The following PRKCE variants were observed in gnomAD, a reference collection of about 807,000 sequenced individuals.
The protein encoded by PRKCE is protein kinase C epsilon type.
A neutral mutation model predicts 85.4 loss-of-function variants in PRKCE; 16 were observed. That is an observed-to-expected ratio of 0.19 (90% CI 0.13 to 0.28). PRKCE has a LOEUF of 0.28. Ranked by LOEUF, PRKCE falls within the 10% of genes least tolerant of loss-of-function variation. PRKCE has a pLI of 1.00. For synonymous variants in PRKCE, 388 were observed against 371.5 expected (o/e 1.04, Z -0.51); for missense variants, 573 against 975.2 (o/e 0.59, Z 5.49).
chr2:45,858,586 A>G (rs1003749727), intron 2 of PRKCE, among the ~76,000 whole-genome samples: 1 of 151,902 alleles, frequency 6.6e-6, no homozygotes, highest in Non-Finnish European at 1.5e-5. Flanking sequence ...GGCACCCTTC[A>G]CTGACTTTGT....
At position 46,001,036 on chromosome 2, in the gene PRKCE, C is replaced by A. The variant is rs1181477361; in HGVS notation, c.824-368C>A. 1 of 152,174 alleles carries A rather than the reference C, an allele frequency of 6.6e-6. No homozygotes were observed. The highest frequency in any genetic ancestry group is 1.5e-5 in the Non-Finnish European group (1 of 68,138). 9.4% of individuals were successfully genotyped at this position (152,174 alleles called of 1,614,324 possible). A position where few individuals can be genotyped will look rare whatever the true frequency, so the allele number is the denominator to read the frequency against. ...CACCTGTGATGTCTTACACCAAGGA[C>A]AACTAAGTGAAGAGGGAAAAGCAAA... On this transcript the variant is annotated intron_variant, in intron 6 of 14. Coordinates refer to ENST00000306156, the MANE Select transcript of PRKCE (RefSeq NM_005400.3). The surrounding 1 kb of genome is among the most constrained non-coding windows in gnomAD (Gnocchi z 4.4).
chr2:45,896,636 T>G (rs1206524309), intron 2 of PRKCE, among the ~76,000 whole-genome samples: 1 of 152,220 alleles, frequency 6.6e-6, no homozygotes, highest in Admixed American at 6.5e-5. Context: ...CTTATCAAAG[T>G]AGCGCAGTGC....
At chr2:45,809,912 G>A (rs1292796785) in intron 1 of PRKCE, among the ~76,000 whole-genome samples, 1 of 151,786 alleles carries the variant, frequency 6.6e-6, no homozygotes, top group Non-Finnish European at 1.5e-5. Context: ...ACAAGCCCAA[G>A]GAGGGCATGG....
chr2:45,927,645 G>A (rs985459730), intron 2 of PRKCE, among the ~76,000 whole-genome samples: 2 of 152,174 alleles, frequency 1.3e-5, no homozygotes, highest in African/African-American at 4.8e-5. Context: ...TTAGAGAAAG[G>A]GAGGATTTCA....
intron 12 of PRKCE, among the ~76,000 whole-genome samples, chr2:46,148,088 C>A (rs1676259223): frequency 6.6e-6 from 1 of 152,222 alleles, no homozygotes; most frequent in South Asian, 2.1e-4. Flanking sequence ...ATGAGGTCTG[C>A]CCCAAGGCTT....
intron 1 of PRKCE, among the ~76,000 whole-genome samples, chr2:45,785,660 G>C (rs1235649079): frequency 6.6e-6 from 1 of 152,142 alleles, no homozygotes; most frequent in East Asian, 1.9e-4. Context: ...CTGTTCTTCT[G>C]ACTGGGCATC....
intron 10 of PRKCE, among the ~76,000 whole-genome samples, chr2:46,025,175 G>T (rs1318054373): frequency 1.3e-5 from 2 of 152,192 alleles, no homozygotes; most frequent in Non-Finnish European, 2.9e-5. Flanking sequence ...CCCGGGGTTG[G>T]CAAGATCCAT....
At chr2:45,937,477 C>T (rs530094551) in intron 2 of PRKCE, among the ~76,000 whole-genome samples, 20 of 152,312 alleles carry the variant, frequency 1.3e-4, no homozygotes, top group African/African-American at 4.8e-4. Context: ...CTTTGGGAGG[C>T]TCAGGCGCGC....
intron 1 of PRKCE, among the ~76,000 whole-genome samples, chr2:45,696,003 A>G (rs1428917742): frequency 6.6e-6 from 1 of 152,050 alleles, no homozygotes; most frequent in Non-Finnish European, 1.5e-5. Flanking sequence ...GGTTAGTTAC[A>G]TATGTATACA....
In PRKCE at chr2:45,785,671, A is replaced by T. The variant is rs181555738; in HGVS notation, c.349-57329A>T. 3.0e-4 allele frequency among the ~76,000 whole-genome samples: 45 copies of T among 152,110 alleles called. 1 individual carries two copies. The highest frequency in any genetic ancestry group is 5.7e-4 in the Non-Finnish European group (39 of 67,998). On this transcript the variant is annotated intron_variant, in intron 1 of 14. Coordinates refer to ENST00000306156, the MANE Select transcript of PRKCE (RefSeq NM_005400.3). ...CGATCTGTTCTTCTGACTGGGCATC[A>T]CTCAGGCATCCTATGTAGCACCTGG...
intron 2 of PRKCE, among the ~76,000 whole-genome samples, chr2:45,935,390 T>A (rs1699368633): frequency 6.6e-6 from 1 of 152,224 alleles, no homozygotes; most frequent in Non-Finnish European, 1.5e-5. Flanking sequence ...CTAAGAACTT[T>A]TGAAGTACTG....
intron 2 of PRKCE, among the ~76,000 whole-genome samples, chr2:45,931,213 G>A (rs1420770693): frequency 5.3e-5 from 8 of 152,194 alleles, no homozygotes; most frequent in African/African-American, 1.9e-4. Flanking sequence ...TTATTGTTAT[G>A]TAATTCTAGT....
intron 2 of PRKCE, among the ~76,000 whole-genome samples, chr2:45,938,926 C>T (rs1173560347): frequency 6.6e-6 from 1 of 152,158 alleles, no homozygotes; most frequent in Non-Finnish European, 1.5e-5. Flanking sequence ...CTTTCTAGCA[C>T]ATTCAGCGCT....
chr2:45,997,696 G>A (rs1421806073), intron 6 of PRKCE, among the ~76,000 whole-genome samples: 6 of 152,008 alleles, frequency 3.9e-5, no homozygotes, highest in African/African-American at 9.6e-5. Flanking sequence ...GCAGGCATAC[G>A]CCACCACACC....
At chr2:45,998,776 G>A (rs1204797253) in intron 6 of PRKCE, among the ~76,000 whole-genome samples, 2 of 152,050 alleles carry the variant, frequency 1.3e-5, no homozygotes, top group African/African-American at 2.4e-5. Flanking sequence ...GCCTTTTGTG[G>A]TTTTAATTGA....
Position 46,004,459 on chromosome 2 carries a change from T to C in PRKCE, c.967-83T>C, listed in dbSNP as rs1334293318. On this transcript the variant is annotated intron_variant, in intron 7 of 14. Transcript: ENST00000306156. The surrounding 1 kb of genome is among the most constrained non-coding windows in gnomAD (Gnocchi z 4.1). ...GCTCTGGGAACTCTCATGGCTCTTATACGGCATCTTGATGCTTTTGACATC... is the reference window on the plus strand; with the variant it reads ...GCTCTGGGAACTCTCATGGCTCTTACACGGCATCTTGATGCTTTTGACATC... 3 of 1,127,304 alleles carry C rather than the reference T, an allele frequency of 2.7e-6. No homozygotes were observed. The highest frequency in any genetic ancestry group is 2.7e-5 in the South Asian group (2 of 74,578). The allele number at this position is 1,127,304 out of a possible 1,614,324, so 69.8% of individuals were successfully genotyped here.
intron 1 of PRKCE, among the ~76,000 whole-genome samples, chr2:45,768,994 C>T (rs1402809747): frequency 1.3e-5 from 2 of 152,324 alleles, no homozygotes; most frequent in East Asian, 3.9e-4. Flanking sequence ...TCCTCAAAAC[C>T]TGCTTTCAAA....
rs752294712 is a variant in PRKCE, at chr2:46,007,538, G to A, written c.1140G>A (p.Ser380=). 1.9e-5 allele frequency: 31 copies of A among 1,599,694 alleles called. No individual in the cohort carries two copies. Among genetic ancestry groups the A allele is most frequent in the East Asian group, 1.8e-4 (8 of 44,888 alleles). The change falls in exon 9 of 15, where the codon TCG becomes TCA. Residue 380 remains serine (S), a synonymous_variant. Transcript: ENST00000306156. ...GAGGAGAGGAGCACCGGGCAGCATC[G>A]TCTCCTGATGGCCAGCTGATGAGCC... ...DNRGEEHRAA[S]SPDGQLMSPG...
chr2:46,092,845 G>A (rs1670310323), intron 11 of PRKCE, among the ~76,000 whole-genome samples: 1 of 152,182 alleles, frequency 6.6e-6, no homozygotes. Context: ...CCTGCCATTG[G>A]CACACAGTTA....
Sources: allele counts gnomAD v4.1 joint callset (sites outside exome capture counted in the v4.1 genomes callset), GRCh38; gene constraint gnomAD v4.1.1; non-coding constraint Gnocchi (gnomAD v3.1); transcripts MANE v1.5; gene names NCBI Gene and HGNC (gene_info 2026-07-23, HGNC 2026-07-21).